Variants in TMEM51 observed in about 807,000 individuals in gnomAD.
TMEM51 encodes chromosome 1 open reading frame 72.
A neutral mutation model predicts 13.6 loss-of-function variants in TMEM51; 8 were observed. The ratio of observed to expected loss-of-function variants is 0.59; its 90% CI spans 0.35 to 1.07. The LOEUF is 1.07. Ranked by LOEUF, TMEM51 falls within the 50% of genes least tolerant of loss-of-function variation. The pLI is 0.02. For synonymous variants in TMEM51, 147 were observed against 144.4 expected (o/e 1.02, Z -0.13); for missense variants, 279 against 330.7 (o/e 0.84, Z 1.21).
At chr1:15,205,443 A>G (rs112570396) in intron 1 of TMEM51, among the ~76,000 whole-genome samples, 115 of 152,230 alleles carry the variant, frequency 7.6e-4, no homozygotes, top group African/African-American at 2.6e-3. Flanking sequence ...TTACCCCCAA[A>G]TTCCACCCAC....
rs1009024121 is a variant in TMEM51, at chr1:15,207,609, C to G, written c.-266-2881C>G. 4.6e-5 allele frequency among the ~76,000 whole-genome samples: 7 copies of G among 152,222 alleles called. No individual in the cohort carries two copies. Among genetic ancestry groups the G allele is most frequent in the African/African-American group, 1.4e-4 (6 of 41,450 alleles). On this transcript the variant is annotated intron_variant, in intron 1 of 3. Transcript: ENST00000376008. The surrounding 1 kb of genome is among the most constrained non-coding windows in gnomAD (Gnocchi z 4.6). ...CCTCCCTGGCCCCGACTCCTCCACA[C>G]CCACTGCACAGCCCCTCCCTGCCGG...
At chr1:15,157,224 C>T (rs370141328) in intron 1 of TMEM51, among the ~76,000 whole-genome samples, 3 of 152,178 alleles carry the variant, frequency 2.0e-5, no homozygotes, top group African/African-American at 7.2e-5. Context: ...CCTCAGCTCC[C>T]GTCTCAAGAC....
chr1:15,170,059 T>A (rs1242249096), intron 1 of TMEM51, among the ~76,000 whole-genome samples: 1 of 152,196 alleles, frequency 6.6e-6, no homozygotes, highest in Non-Finnish European at 1.5e-5. Context: ...TTTCTCGAAA[T>A]GGGGAGAATA....
chr1:15,219,775 C>A lies in TMEM51; in HGVS notation c.*32C>A. The A allele has an allele frequency of 6.3e-7, 1 of 1,597,524 alleles. No individual in the cohort carries two copies. The highest frequency in any genetic ancestry group is 1.1e-5 in the South Asian group (1 of 88,920). ...CCACTTGAGCCACGCTCCCTCCTGT[C>A]TCTCACACCTTTCACCCCCAAGACT... On this transcript the variant is annotated 3_prime_UTR_variant, in exon 4 of 4. Coordinates refer to ENST00000376008, the MANE Select transcript of TMEM51 (RefSeq NM_001136218.2).
chr1:15,159,133 G>T (rs532665630), intron 1 of TMEM51, among the ~76,000 whole-genome samples: 44 of 152,212 alleles, frequency 2.9e-4, no homozygotes, highest in Non-Finnish European at 4.6e-4. Context: ...AGGAAGCTCG[G>T]CTTATGCTAA....
At chr1:15,200,432 AG>A (rs1271253662) in intron 1 of TMEM51, among the ~76,000 whole-genome samples, 32 of 107,946 alleles carry the variant, frequency 3.0e-4, no homozygotes, top group African/African-American at 7.5e-4. Flanking sequence ...AAAAAAAAAA[AG>A]AGAGAGATTA....
chr1:15,211,761 G>A (rs1323475392), intron 2 of TMEM51, among the ~76,000 whole-genome samples: 2 of 149,568 alleles, frequency 1.3e-5, no homozygotes, highest in Non-Finnish European at 3.0e-5. Flanking sequence ...GAAAGTAAAG[G>A]GTACACTTTC....
intron 1 of TMEM51, among the ~76,000 whole-genome samples, chr1:15,193,678 A>C (rs902108079): frequency 6.1e-5 from 9 of 146,650 alleles, no homozygotes; most frequent in Non-Finnish European, 1.3e-4. Context: ...CCTGGGTTCA[A>C]GTGATTCAGG....
chr1:15,164,950 G>C (rs187582412), intron 1 of TMEM51, among the ~76,000 whole-genome samples: 1 of 150,192 alleles, frequency 6.7e-6, no homozygotes, highest in Admixed American at 6.6e-5. Context: ...CTACAGGTGC[G>C]CGCCACCACA....
chr1:15,165,271 A>G (rs889015374), intron 1 of TMEM51, among the ~76,000 whole-genome samples: 3 of 152,128 alleles, frequency 2.0e-5, no homozygotes, highest in African/African-American at 2.4e-5. Flanking sequence ...AGCCGTGACT[A>G]TGCCACTGCA....
chr1:15,193,998 C>A (rs1643993604), intron 1 of TMEM51, among the ~76,000 whole-genome samples: 1 of 151,940 alleles, frequency 6.6e-6, no homozygotes, highest in Non-Finnish European at 1.5e-5. Context: ...ACAGATTCCA[C>A]TATACCACTA....
intron 1 of TMEM51, among the ~76,000 whole-genome samples, chr1:15,173,226 T>G (rs899385725): frequency 6.7e-5 from 10 of 148,838 alleles, no homozygotes; most frequent in Non-Finnish European, 1.3e-4. Flanking sequence ...TTTTTTTTTT[T>G]TTTTTTTTTT....
Position 15,207,292 on chromosome 1 carries a change from G to T in TMEM51, c.-266-3198G>T, listed in dbSNP as rs565622971. On this transcript the variant is annotated intron_variant, in intron 1 of 3. Coordinates refer to ENST00000376008, the MANE Select transcript of TMEM51 (RefSeq NM_001136218.2). This position sits in a 1 kb window ranked among gnomAD's most constrained non-coding sequence, Gnocchi z 4.6. ...GGGCGCTTCTGCAACTGCACCTTCC[G>T]GGGCCACAGCACAGAACTCAGTGGT... Among the ~76,000 whole-genome samples the T allele has an allele frequency of 1.3e-5, 2 of 152,286 alleles. No individual in the cohort carries two copies. The highest frequency in any genetic ancestry group is 4.8e-5 in the African/African-American group (2 of 41,542).
At chr1:15,163,916 C>T (rs1449884713) in intron 1 of TMEM51, among the ~76,000 whole-genome samples, 2 of 151,788 alleles carry the variant, frequency 1.3e-5, no homozygotes, top group East Asian at 1.9e-4. Flanking sequence ...GCAACCTCCA[C>T]CTCCTGGGGT....
At chr1:15,177,358 C>A (rs1479780956) in intron 1 of TMEM51, among the ~76,000 whole-genome samples, 1 of 152,114 alleles carries the variant, frequency 6.6e-6, no homozygotes, top group African/African-American at 2.4e-5. Context: ...AGAGAATGCC[C>A]AAGGTCACTG....
chr1:15,184,889 A>AGTAG (rs1320153373), intron 1 of TMEM51, among the ~76,000 whole-genome samples: 2 of 151,958 alleles, frequency 1.3e-5, no homozygotes, highest in Non-Finnish European at 2.9e-5. Context: ...ATTGGTATCT[A>AGTAG]GTAGGTAGAG....
intron 1 of TMEM51, among the ~76,000 whole-genome samples, chr1:15,190,020 T>C (rs148615101): frequency 0.025 from 3,812 of 152,350 alleles, 60 homozygotes; most frequent in Non-Finnish European, 0.04. Flanking sequence ...TCCCTCTCTC[T>C]GTCATTAGCA....
intron 2 of TMEM51, among the ~76,000 whole-genome samples, chr1:15,212,706 C>G (rs951135459): frequency 6.6e-6 from 1 of 152,214 alleles, no homozygotes; most frequent in Non-Finnish European, 1.5e-5. Flanking sequence ...AATAAATATC[C>G]TTGTGTACGG....
At chr1:15,172,093 C>G (rs1643297138) in intron 1 of TMEM51, among the ~76,000 whole-genome samples, 1 of 152,152 alleles carries the variant, frequency 6.6e-6, no homozygotes, top group Non-Finnish European at 1.5e-5. Flanking sequence ...AAAGTGGACT[C>G]TGTCCAGGCA....
Sources: allele counts gnomAD v4.1 joint callset (sites outside exome capture counted in the v4.1 genomes callset), GRCh38; gene constraint gnomAD v4.1.1; non-coding constraint Gnocchi (gnomAD v3.1); transcripts MANE v1.5; gene names NCBI Gene and HGNC (gene_info 2026-07-23, HGNC 2026-07-21).